Variants in PRKAA2 observed in about 807,000 individuals in gnomAD.
The protein encoded by PRKAA2 is protein kinase AMP-activated catalytic subunit alpha 2.
In PRKAA2, 40 loss-of-function variants were observed where a neutral mutation model predicts 56.3. That is an observed-to-expected ratio of 0.71 (90% CI 0.55 to 0.92). PRKAA2 has a LOEUF of 0.92. PRKAA2 is among the 40% of genes least tolerant of loss of function. The pLI, the probability that PRKAA2 is intolerant of heterozygous loss-of-function variation, is 0.00. For synonymous variants in PRKAA2, 214 were observed against 234.2 expected, an observed-to-expected ratio of 0.91 and a Z score of 0.79; for missense variants, 542 against 686.9, an observed-to-expected ratio of 0.79 and a Z score of 2.36.
At chr1:56,677,533 T>G (rs575356708) in intron 2 of PRKAA2, among the ~76,000 whole-genome samples, 145 of 152,332 alleles carry the variant, frequency 9.5e-4, no homozygotes, top group African/African-American at 3.4e-3. Flanking sequence ...TTGAGGAAAT[T>G]TTACCCGTTT....
intron 1 of PRKAA2, among the ~76,000 whole-genome samples, chr1:56,672,777 C>T (rs11206895): frequency 0.42 from 63,648 of 151,766 alleles, 13,862 homozygotes; most frequent in Middle Eastern, 0.52. Flanking sequence ...GTTTGGTATC[C>T]GTAGAGTGGA....
chr1:56,655,280 A>ATATATATTTTTTTTTT, intron 1 of PRKAA2, among the ~76,000 whole-genome samples: 23 of 93,648 alleles, frequency 2.5e-4, no homozygotes, highest in East Asian at 4.7e-4. Flanking sequence ...ATATATATAT[A>ATATATATTTTTTTTTT]TTTTTTTTTT....
At chr1:56,681,782 G>C (rs1272413698) in intron 2 of PRKAA2, among the ~76,000 whole-genome samples, 1 of 152,144 alleles carries the variant, frequency 6.6e-6, no homozygotes, top group Non-Finnish European at 1.5e-5. Flanking sequence ...TTTGAAGTCA[G>C]TTAGCGTGAT....
At chr1:56,668,899 T>C (rs1228861676) in intron 1 of PRKAA2, among the ~76,000 whole-genome samples, 2 of 152,222 alleles carry the variant, frequency 1.3e-5, no homozygotes, top group African/African-American at 2.4e-5. Flanking sequence ...TGAAGTTCTG[T>C]GTCTTGTATA....
rs1192900112 is a variant in PRKAA2, at chr1:56,713,433, A to C, written c.*5720A>C. 2 of 152,134 alleles carry C rather than the reference A, an allele frequency of 1.3e-5. No individual in the cohort carries two copies. The highest frequency in any genetic ancestry group is 2.9e-5 in the Non-Finnish European group (2 of 68,020). The allele number at this position is 152,134 out of a possible 1,614,324, so 9.4% of individuals were successfully genotyped here. On this transcript the variant is annotated 3_prime_UTR_variant, in exon 9 of 9. Transcript: ENST00000371244. Reference sequence around the variant, plus strand: ...TTATATCTAAAGTAGTTTAGATTTTATGGAAGTGGCTCTTGATTGTTTGGA... The same window carrying C: ...TTATATCTAAAGTAGTTTAGATTTTCTGGAAGTGGCTCTTGATTGTTTGGA...
rs1305022789 is a variant in PRKAA2, at chr1:56,692,509, A to T, written c.475+7A>T. ...GCCAAGATAGCCGATTTCGGTATGT[A>T]ACTCCAGGGTTGTTCAGAAAGGTAC... On this transcript the variant is annotated splice_region_variant and intron_variant, in intron 4 of 8. Transcript: ENST00000371244. 2 of 1,613,594 alleles carry T rather than the reference A, an allele frequency of 1.2e-6. No individual in the cohort carries two copies. The highest frequency in any genetic ancestry group is 1.1e-5 in the South Asian group (1 of 90,982).
At chr1:56,695,092 G>A (rs1207184645) in intron 5 of PRKAA2, among the ~76,000 whole-genome samples, 2 of 150,832 alleles carry the variant, frequency 1.3e-5, no homozygotes, top group East Asian at 3.9e-4. Flanking sequence ...AAGTACTCAG[G>A]ATAATGTGAT....
intron 1 of PRKAA2, 24 bp from the exon 2 acceptor site, chr1:56,674,357 T>C: frequency 6.6e-7 from 1 of 1,519,888 alleles, no homozygotes; most frequent in East Asian, 2.4e-5. Context: ...ATAGCACATT[T>C]TTTTTCCTTT....
chr1:56,663,971 C>T (rs565322451), intron 1 of PRKAA2, among the ~76,000 whole-genome samples: 8 of 152,168 alleles, frequency 5.3e-5, no homozygotes, highest in East Asian at 1.9e-4. Flanking sequence ...TAGTGGTGCA[C>T]GCCTATGGTT....
chr1:56,645,481 A>G lies in PRKAA2; in HGVS notation c.94A>G (p.Ile32Val), dbSNP rs774427325. 2.3e-5 allele frequency: 34 copies of G among 1,487,290 alleles called. No homozygotes were observed. The South Asian group carries it at 3.3e-4, about 15-fold the overall frequency. The allele number at this position is 1,487,290 out of a possible 1,614,324, so 92.1% of individuals were successfully genotyped here. ...LGVGTFGKVK[I>V]GEHQLTGHKV... is the part of the protein sequence containing the mutation. ...CGTCGGCACCTTCGGCAAAGTGAAG[A>G]GTTGAGTACGCGCTCCGGACCGCTG... The change falls in exon 1 of 9, where the codon ATT (isoleucine) becomes GTT (valine). Residue 32 changes from isoleucine to valine, a missense_variant and splice_region_variant. By Grantham distance (29) the Ile-to-Val change is conservative (BLOSUM62 3). This residue lies in a region of PRKAA2 where 59 missense variants were observed against 53.9 expected (regional missense o/e 1.09). Transcript: ENST00000371244.
intron 7 of PRKAA2, among the ~76,000 whole-genome samples, chr1:56,704,878 A>G (rs899458656): frequency 1.3e-5 from 2 of 151,486 alleles, no homozygotes; most frequent in African/African-American, 4.9e-5. Context: ...CTAGTGGTTG[A>G]TACAAATTAT....
chr1:56,659,050 G>T (rs1415107324), intron 1 of PRKAA2, among the ~76,000 whole-genome samples: 1 of 149,774 alleles, frequency 6.7e-6, no homozygotes, highest in South Asian at 2.1e-4. Context: ...CGATCCTCTC[G>T]CCTGGGCCTC....
intron 2 of PRKAA2, among the ~76,000 whole-genome samples, chr1:56,689,534 A>G (rs1421329976): frequency 6.6e-6 from 1 of 152,014 alleles, no homozygotes; most frequent in Non-Finnish European, 1.5e-5. Flanking sequence ...CCTGGCCAAC[A>G]TGGTGAAACC....
At chr1:56,669,929 C>T (rs189091473) in intron 1 of PRKAA2, among the ~76,000 whole-genome samples, 1 of 152,156 alleles carries the variant, frequency 6.6e-6, no homozygotes, top group Non-Finnish European at 1.5e-5. Context: ...TTCTGTGTGA[C>T]AATTCTTCAC....
At chr1:56,664,873 C>T (rs1318790763) in intron 1 of PRKAA2, among the ~76,000 whole-genome samples, 1 of 145,478 alleles carries the variant, frequency 6.9e-6, no homozygotes, top group Non-Finnish European at 1.5e-5. Flanking sequence ...CACACACACA[C>T]ACACACACAC....
At chr1:56,664,830 A>G (rs2796522) in intron 1 of PRKAA2, among the ~76,000 whole-genome samples, 33,163 of 150,386 alleles carry the variant, frequency 0.22, 4,227 homozygotes, top group South Asian at 0.46. Context: ...ATACATAGAA[A>G]CACATGTATG....
chr1:56,696,800 A>G (rs184424209), intron 6 of PRKAA2, among the ~76,000 whole-genome samples: 263 of 152,220 alleles, frequency 1.7e-3, no homozygotes, highest in Non-Finnish European at 2.8e-3. Flanking sequence ...GGAAAGTGCC[A>G]TTGCTGATGC....
chr1:56,652,700 G>A (rs189118093), intron 1 of PRKAA2, among the ~76,000 whole-genome samples: 3 of 152,208 alleles, frequency 2.0e-5, no homozygotes, highest in Admixed American at 2.0e-4. Context: ...AATGAGTTGA[G>A]GTATATAAAA....
intron 1 of PRKAA2, 80 bp downstream of exon 1, chr1:56,645,561 T>G: frequency 7.7e-7 from 1 of 1,301,220 alleles, no homozygotes; most frequent in Non-Finnish European, 1.0e-6. Flanking sequence ...GCCCCGGGCC[T>G]CCGGCGGGCG....
Sources: gnomAD v4.1 joint callset for allele counts (sites outside exome capture counted in the v4.1 genomes callset) on GRCh38, gnomAD v4.1.1 for gene constraint, gnomAD v4.1.1 regional missense constraint, MANE v1.5 for transcripts, NCBI Gene and HGNC (gene_info 2026-07-23, HGNC 2026-07-21) for gene names.